The following ZNF461 variants were observed in gnomAD, a reference collection of about 807,000 sequenced individuals.
ZNF461 encodes the protein zinc finger protein 461.
In ZNF461, 16 loss-of-function variants were observed where a neutral mutation model predicts 18.3. The observed-to-expected ratio is 0.88, with a 90% CI of 0.59 to 1.33. ZNF461 has a LOEUF of 1.33. ZNF461 is among the 40% of genes most tolerant of loss of function. ZNF461 has a pLI of 0.00. For synonymous variants in ZNF461, 179 were observed against 216.9 expected (o/e 0.83, Z 1.54); for missense variants, 595 against 669.9 (o/e 0.89, Z 1.23).
chr19:36,655,330 A>G (rs2037697162), intron 4 of ZNF461, among the ~76,000 whole-genome samples: 1 of 152,272 alleles, frequency 6.6e-6, no homozygotes, highest in African/African-American at 2.4e-5. Context: ...CAGGCTGGGC[A>G]CAGTGGTGTA....
chr19:36,663,538 T>A (rs1234793706), intron 2 of ZNF461, among the ~76,000 whole-genome samples: 2 of 131,508 alleles, frequency 1.5e-5, no homozygotes, highest in East Asian at 2.5e-4. Context: ...TTTTTTTTTT[T>A]AGACAGAGTC....
Position 36,638,786 on chromosome 19 carries a change from G to A in ZNF461, c.1559C>T (p.Ser520Phe), listed in dbSNP as rs769124878. 4 of 1,614,062 alleles carry A rather than the reference G, an allele frequency of 2.5e-6. No individual in the cohort carries two copies. The highest frequency in any genetic ancestry group is 3.4e-6 in the Non-Finnish European group (4 of 1,180,038). ...CCCGCATTGATAAGGTTTCTTTCCA[G>A]AATGAATTCTCTGATGGTGTGAGAA... Reference protein sequence around the residue: ...SSFSHHQRIHSGKKPYQCGKA... With the variant: ...SSFSHHQRIHFGKKPYQCGKA... The change falls in exon 6 of 6, where the codon TCT becomes TTT. Residue 520 changes from serine to phenylalanine, a missense_variant. By Grantham distance (155) the Ser-to-Phe change is radical. Coordinates refer to ENST00000588268, the MANE Select transcript of ZNF461 (RefSeq NM_153257.5).
rs775444468 is a variant in ZNF461 at position 36,660,694 on chromosome 19, A to AT, written c.10-2270dup. Among the ~76,000 whole-genome samples the AT allele has an allele frequency of 7.4e-3, 1,029 of 139,116 alleles. 4 individuals carry two copies. The highest frequency in any genetic ancestry group is 0.012 in the Non-Finnish European group (745 of 62,088). The allele number at this position is 139,116 out of a possible 152,430, so 91.3% of individuals were successfully genotyped here. ...CTTTAAAATGAAGGTGAAATAGTTG[A>AT]TTTTTTTAAAAAAAAAAAGACAAAC... On this transcript the variant is annotated intron_variant, in intron 2 of 5. Coordinates refer to ENST00000588268, the MANE Select transcript of ZNF461 (RefSeq NM_153257.5).
At chr19:36,666,200 T>C (rs1256340724) in intron 1 of ZNF461, among the ~76,000 whole-genome samples, 7 of 151,702 alleles carry the variant, frequency 4.6e-5, no homozygotes, top group African/African-American at 1.7e-4. Flanking sequence ...GTTCAAGCGA[T>C]TCTCCTGCCT....
intron 5 of ZNF461, among the ~76,000 whole-genome samples, chr19:36,640,975 T>C (rs2037413642): frequency 6.6e-6 from 1 of 152,200 alleles, no homozygotes; most frequent in African/African-American, 2.4e-5. Flanking sequence ...GTCCAATTCC[T>C]TTTTATTCAT....
At position 36,643,777 on chromosome 19, in the gene ZNF461, A is replaced by T. The variant is rs989449227; in HGVS notation, c.301+17T>A. ...CAGTACTTCTACTGTACTCTTAAAA[A>T]CTGTATTTATTTATACCTGCATTTA... On this transcript the variant is annotated intron_variant, in intron 5 of 5. Coordinates refer to ENST00000588268, the MANE Select transcript of ZNF461 (RefSeq NM_153257.5). 9.9e-6 allele frequency: 15 copies of T among 1,515,310 alleles called. No individual in the cohort carries two copies. The Admixed American group carries it at 1.8e-4, about 18-fold the overall frequency. 93.9% of individuals were successfully genotyped at this position (1,515,310 alleles called of 1,614,324 possible). A position where few individuals can be genotyped will look rare whatever the true frequency, so the allele number is the denominator to read the frequency against.
intron 1 of ZNF461, among the ~76,000 whole-genome samples, chr19:36,665,242 T>A (rs560694167): frequency 2.0e-5 from 3 of 151,994 alleles, no homozygotes; most frequent in Admixed American, 2.0e-4. Flanking sequence ...ACAACACAGA[T>A]GGAAGAGAAA....
chr19:36,655,784 T>TA (rs1322750786), intron 4 of ZNF461, among the ~76,000 whole-genome samples: 2 of 152,144 alleles, frequency 1.3e-5, no homozygotes, highest in Non-Finnish European at 1.5e-5. Context: ...ATTTTCTACT[T>TA]AGAGTTTTAT....
At chr19:36,643,712 G>A (rs557701701) in intron 5 of ZNF461, 82 bp downstream of exon 5, 2 of 1,338,276 alleles carry the variant, frequency 1.5e-6, no homozygotes, top group East Asian at 3.0e-5. Flanking sequence ...TAGGTTTGGG[G>A]AATAAACATG....
At chr19:36,640,549 A>C (rs1242953865) in intron 5 of ZNF461, among the ~76,000 whole-genome samples, 2 of 152,202 alleles carry the variant, frequency 1.3e-5, no homozygotes, top group Non-Finnish European at 2.9e-5. Context: ...TGAGAATGCC[A>C]TGCAACTGGG....
At chr19:36,642,872 G>A (rs1245097023) in intron 5 of ZNF461, among the ~76,000 whole-genome samples, 5 of 151,448 alleles carry the variant, frequency 3.3e-5, no homozygotes, top group South Asian at 2.1e-4. Flanking sequence ...CTCCTGCCTC[G>A]GCTTCCCAAG....
intron 2 of ZNF461, among the ~76,000 whole-genome samples, chr19:36,660,148 C>CTTTT (rs35264079): frequency 4.2e-5 from 5 of 118,512 alleles, no homozygotes; most frequent in South Asian, 2.7e-4. Flanking sequence ...TCTCTAAAAT[C>CTTTT]TTTTTTTTTT....
intron 4 of ZNF461, among the ~76,000 whole-genome samples, chr19:36,648,144 T>C (rs191646257): frequency 3.2e-4 from 49 of 152,066 alleles, no homozygotes; most frequent in African/African-American, 1.2e-3. Context: ...GCACCATTGC[T>C]TTCCAGCCTG....
chr19:36,654,157 T>C (rs1016760397), intron 4 of ZNF461, among the ~76,000 whole-genome samples: 2 of 152,176 alleles, frequency 1.3e-5, no homozygotes, highest in Non-Finnish European at 2.9e-5. Context: ...AAAGTCTTTT[T>C]TTAAAGAAAA....
chr19:36,658,567 G>A (rs2037765667), intron 2 of ZNF461, 142 bp from the exon 3 acceptor site: 4 of 765,178 alleles, frequency 5.2e-6, no homozygotes. Context: ...GGGTCAAAGA[G>A]GAATTTAGTG....
intron 2 of ZNF461, among the ~76,000 whole-genome samples, chr19:36,661,284 A>AT (rs2037814925): frequency 6.6e-6 from 1 of 151,944 alleles, no homozygotes; most frequent in Non-Finnish European, 1.5e-5. Context: ...TCTCTTTAAA[A>AT]AAAAAAAAGA....
chr19:36,649,614 A>G (rs560024489), intron 4 of ZNF461, among the ~76,000 whole-genome samples: 1 of 152,170 alleles, frequency 6.6e-6, no homozygotes, highest in South Asian at 2.1e-4. Flanking sequence ...TACAGGTGTG[A>G]GCCACTGCGC....
intron 4 of ZNF461, among the ~76,000 whole-genome samples, 166 bp from the exon 5 acceptor site, chr19:36,644,028 G>A (rs1341044070): frequency 6.6e-6 from 1 of 152,160 alleles, no homozygotes; most frequent in African/African-American, 2.4e-5. Flanking sequence ...CGCCTACTGG[G>A]TTCAAGCGAT....
At chr19:36,666,095 GT>G (rs111371703) in intron 1 of ZNF461, among the ~76,000 whole-genome samples, 3,479 of 141,356 alleles carry the variant, frequency 0.025, 106 homozygotes, top group African/African-American at 0.066. Context: ...ATGTTTTTTT[GT>G]TTTTTTTTTT....
Sources: gnomAD v4.1 joint callset for allele counts (sites outside exome capture counted in the v4.1 genomes callset) on GRCh38, gnomAD v4.1.1 for gene constraint, MANE v1.5 for transcripts, NCBI Gene and HGNC (gene_info 2026-07-23, HGNC 2026-07-21) for gene names.